Variants in FANCM observed in about 807,000 individuals in gnomAD.
FANCM encodes the protein Fanconi anemia group M protein.
Under a neutral mutation model 199.5 loss-of-function variants are expected in FANCM, and 140 were observed. The ratio of observed to expected loss-of-function variants is 0.70; its 90% CI spans 0.61 to 0.81. The LOEUF is 0.81. FANCM is among the 30% of genes least tolerant of loss of function. FANCM has a pLI of 0.00. For synonymous variants in FANCM, 840 were observed against 836.8 expected (o/e 1.00, Z -0.07); for missense variants, 2,410 against 2,421.4 (o/e 1.00, Z 0.10).
At chr14:45,165,400 G>A (rs1433554430) in intron 10 of FANCM, among the ~76,000 whole-genome samples, 3 of 151,894 alleles carry the variant, frequency 2.0e-5, no homozygotes, top group Non-Finnish European at 4.4e-5. Context: ...ATACAAAAAC[G>A]AGACAGGTGT....
At chr14:45,171,336 A>G (rs1005607622) in intron 12 of FANCM, among the ~76,000 whole-genome samples, 1 of 150,888 alleles carries the variant, frequency 6.6e-6, no homozygotes, top group Non-Finnish European at 1.5e-5. Context: ...TTTTTTTTTT[A>G]AATTTCAATA....
chr14:45,174,884 T>C (rs528630775), intron 13 of FANCM, among the ~76,000 whole-genome samples, 187 bp from the exon 14 acceptor site: 1 of 152,288 alleles, frequency 6.6e-6, no homozygotes, highest in African/African-American at 2.4e-5. Context: ...TAATGATAAC[T>C]TGATAGTTTC....
At chr14:45,141,335 G>GAATAATCCA (rs1239864209) in intron 3 of FANCM, among the ~76,000 whole-genome samples, 2 of 147,646 alleles carry the variant, frequency 1.4e-5, no homozygotes, top group African/African-American at 5.0e-5. Flanking sequence ...AAACATAAAT[G>GAATAATCCA]AATAATCCAA....
intron 19 of FANCM, 51 bp from the exon 20 acceptor site, chr14:45,188,751 C>T: frequency 7.6e-7 from 1 of 1,318,482 alleles, no homozygotes; most frequent in Middle Eastern, 2.6e-4. Context: ...ATTTTAAATA[C>T]CTGTTAATTG....
At chr14:45,186,403 A>C (rs1889404408) in intron 18 of FANCM, among the ~76,000 whole-genome samples, 1 of 152,212 alleles carries the variant, frequency 6.6e-6, no homozygotes, top group African/African-American at 2.4e-5. Context: ...CATACAATAT[A>C]TTTAGAGGAG....
At chr14:45,161,087 C>G (rs1260461254) in intron 9 of FANCM, among the ~76,000 whole-genome samples, 1 of 152,042 alleles carries the variant, frequency 6.6e-6, no homozygotes, top group African/African-American at 2.4e-5. Context: ...ACCTGCAGTA[C>G]CCAATCCGAT....
intron 2 of FANCM, among the ~76,000 whole-genome samples, chr14:45,139,475 G>A (rs1594754175): frequency 6.6e-6 from 1 of 152,110 alleles, no homozygotes; most frequent in Admixed American, 6.6e-5. Flanking sequence ...ACTTGGAAGT[G>A]CATTTTCCTC....
chr14:45,167,117 T>G lies in FANCM; in HGVS notation c.1956T>G (p.Pro652=). ...ITHGVYEPEK[P]SRNLQRKSSI... ...ATGGTGTCTATGAACCAGAGAAGCC[T>G]TCTCGGAACTTGCAGCGAAAGTCAT... The change falls in exon 11 of 23, where the codon CCT becomes CCG. Residue 652 remains proline, a synonymous_variant. Coordinates refer to ENST00000267430, the MANE Select transcript of FANCM (RefSeq NM_020937.4). The G allele has an allele frequency of 6.2e-7, 1 of 1,613,862 alleles. No individual in the cohort carries two copies. Among genetic ancestry groups the G allele is most frequent in the Non-Finnish European group, 8.5e-7 (1 of 1,179,800 alleles).
chr14:45,169,824 A>G (rs1055177397), intron 11 of FANCM, among the ~76,000 whole-genome samples: 1 of 152,218 alleles, frequency 6.6e-6, no homozygotes, highest in Non-Finnish European at 1.5e-5. Context: ...GAAAAGAATG[A>G]ATATACTATA....
rs373430198 is a variant in FANCM, at chr14:45,159,281, G to A, written c.1581+1G>A. 16 of 1,608,390 alleles carry A rather than the reference G, an allele frequency of 9.9e-6. No individual in the cohort carries two copies. Among genetic ancestry groups the A allele is most frequent in the Non-Finnish European group, 1.4e-5 (16 of 1,175,648 alleles). ...TTTTACCCAGAAGGAGCAACTGGAG[G>A]TAATTATTTTTGGAATTGATAAAAA... On this transcript the variant is annotated splice_donor_variant, in intron 9 of 22. Coordinates refer to ENST00000267430, the MANE Select transcript of FANCM (RefSeq NM_020937.4). LOFTEE classifies it high-confidence loss of function.
intron 10 of FANCM, among the ~76,000 whole-genome samples, chr14:45,166,417 G>A (rs180977128): frequency 4.3e-4 from 66 of 152,066 alleles, no homozygotes; most frequent in Non-Finnish European, 8.7e-4. Context: ...GATTACAGGC[G>A]TGAGCCACCG....
At chr14:45,148,200 A>ACACACAC (rs1566731408) in intron 3 of FANCM, among the ~76,000 whole-genome samples, 7,934 of 142,268 alleles carry the variant, frequency 0.056, 298 homozygotes, top group South Asian at 0.12. Flanking sequence ...CCGTCTCAAA[A>ACACACAC]ACACACACAC....
At chr14:45,146,984 G>A (rs1886441578) in intron 3 of FANCM, among the ~76,000 whole-genome samples, 2 of 151,940 alleles carry the variant, frequency 1.3e-5, no homozygotes, top group South Asian at 4.2e-4. Flanking sequence ...TGGTCTTTCA[G>A]CGCCAGTAAA....
At chr14:45,186,872 C>T (rs1394227487) in intron 18 of FANCM, among the ~76,000 whole-genome samples, 1 of 152,138 alleles carries the variant, frequency 6.6e-6, no homozygotes, top group Non-Finnish European at 1.5e-5. Flanking sequence ...TAGAATCTCT[C>T]CAGCTTCTGT....
intron 22 of FANCM, among the ~76,000 whole-genome samples, chr14:45,199,408 G>GA (rs1306642408): frequency 6.6e-6 from 1 of 152,174 alleles, no homozygotes; most frequent in East Asian, 1.9e-4. Flanking sequence ...GCCAGTTCTG[G>GA]ATACTGGAAG....
At chr14:45,198,071 T>C (rs1406788228) in intron 21 of FANCM, among the ~76,000 whole-genome samples, 1 of 152,082 alleles carries the variant, frequency 6.6e-6, no homozygotes, top group Non-Finnish European at 1.5e-5. Flanking sequence ...TTCTTTTTAA[T>C]TTGAAAAGTC....
At chr14:45,149,347 GT>G (rs1437914980) in intron 4 of FANCM, among the ~76,000 whole-genome samples, 1 of 152,010 alleles carries the variant, frequency 6.6e-6, no homozygotes, top group East Asian at 1.9e-4. Context: ...GTATTGCTCA[GT>G]GAATTTTCAC....
chr14:45,140,753 GC>G, intron 3 of FANCM, 44 bp downstream of exon 3: 1 of 1,281,666 alleles, frequency 7.8e-7, no homozygotes, highest in East Asian at 2.3e-5. Flanking sequence ...AGAAAATAAA[GC>G]TTTTGGCCAG....
rs760075544 is a variant in FANCM, at chr14:45,176,993, A to AT, written c.4222+18dup. ...CTGTTGAAGGTAAGATTCCATCTTT[A>AT]TAAAGTCTATAACTCTTTCTAGAAT... On this transcript the variant is annotated intron_variant, in intron 14 of 22. Coordinates refer to ENST00000267430, the MANE Select transcript of FANCM (RefSeq NM_020937.4). 144 of 1,432,036 alleles carry AT rather than the reference A, an allele frequency of 1.0e-4. No individual in the cohort carries two copies. The Admixed American group carries it at 2.4e-3, about 24-fold the overall frequency. 88.7% of individuals were successfully genotyped at this position (1,432,036 alleles called of 1,614,324 possible). A position where few individuals can be genotyped will look rare whatever the true frequency, so the allele number is the denominator to read the frequency against.
Sources: gnomAD v4.1 joint callset for allele counts (sites outside exome capture counted in the v4.1 genomes callset) on GRCh38, gnomAD v4.1.1 for gene constraint, MANE v1.5 for transcripts, NCBI Gene and HGNC (gene_info 2026-07-23, HGNC 2026-07-21) for gene names.